WDFY4: variants seen among roughly 807,000 people sequenced by gnomAD.
The protein encoded by WDFY4 is WDFY family member 4.
In WDFY4, 169 loss-of-function variants were observed where a neutral mutation model predicts 351.9. That is an observed-to-expected ratio of 0.48 (90% CI 0.42 to 0.55). The LOEUF is 0.55. Ranked by LOEUF, WDFY4 falls within the 20% of genes least tolerant of loss-of-function variation. WDFY4 has a pLI of 0.00. For missense variants in WDFY4, 3,803 were observed against 3,935.6 expected (o/e 0.97, Z 0.90); for synonymous variants, 1,622 against 1,574.6 (o/e 1.03, Z -0.71).
chr10:48,929,203 G>A (rs953801663), intron 47 of WDFY4, among the ~76,000 whole-genome samples: 2 of 152,128 alleles, frequency 1.3e-5, no homozygotes, highest in African/African-American at 4.8e-5. Context: ...GCAGAGAGGA[G>A]GGGATGGACA....
intron 41 of WDFY4, among the ~76,000 whole-genome samples, chr10:48,874,199 C>T (rs74130678): frequency 7.3e-4 from 111 of 152,340 alleles, no homozygotes; most frequent in African/African-American, 2.6e-3. Flanking sequence ...TCCACTCATT[C>T]CAAACAACAT....
chr10:48,741,000 T>A (rs995511587), intron 11 of WDFY4, among the ~76,000 whole-genome samples: 1 of 152,254 alleles, frequency 6.6e-6, no homozygotes, highest in South Asian at 2.1e-4. Context: ...TTATGGACTT[T>A]GGTCTTTCAT....
intron 1 of WDFY4, among the ~76,000 whole-genome samples, chr10:48,702,465 C>G (rs1166608792): frequency 6.6e-6 from 1 of 152,172 alleles, no homozygotes; most frequent in Non-Finnish European, 1.5e-5. Flanking sequence ...AAAATGTCCT[C>G]TAAGTGGAAT....
chr10:48,892,273 T>C (rs1023619976), intron 44 of WDFY4, among the ~76,000 whole-genome samples: 5 of 152,250 alleles, frequency 3.3e-5, no homozygotes, highest in Non-Finnish European at 5.9e-5. Context: ...AAATTGTGTT[T>C]ATGAGGTGTA....
chr10:48,918,539 G>A (rs1225227434), intron 47 of WDFY4, among the ~76,000 whole-genome samples: 1 of 152,124 alleles, frequency 6.6e-6, no homozygotes, highest in African/African-American at 2.4e-5. Flanking sequence ...TCCTAAATGT[G>A]TATGTACCTA....
chr10:48,855,930 T>C (rs778155170), intron 39 of WDFY4, among the ~76,000 whole-genome samples: 3 of 152,166 alleles, frequency 2.0e-5, no homozygotes, highest in Non-Finnish European at 2.9e-5. Context: ...AACTTTATCA[T>C]AGGTATGTAT....
At chr10:48,914,226 TG>T in intron 47 of WDFY4, 1 of 1,490,648 alleles carries the variant, frequency 6.7e-7, no homozygotes. Context: ...GGAAAAATCA[TG>T]AAAAACTGCT....
intron 17 of WDFY4, 83 bp downstream of exon 17, chr10:48,777,578 T>C (rs2066075256): frequency 7.5e-7 from 1 of 1,336,574 alleles, no homozygotes; most frequent in African/African-American, 1.5e-5. Context: ...AGATTTTTAC[T>C]TGGTGTTTCA....
intron 2 of WDFY4, among the ~76,000 whole-genome samples, chr10:48,717,944 C>A (rs2132256363): frequency 6.6e-6 from 1 of 152,254 alleles, no homozygotes; most frequent in African/African-American, 2.4e-5. Flanking sequence ...AGAGTGTGTG[C>A]CCCTGTAACT....
At chr10:48,959,068 C>T (rs372344012) in intron 52 of WDFY4, among the ~76,000 whole-genome samples, 1 of 152,242 alleles carries the variant, frequency 6.6e-6, no homozygotes, top group East Asian at 1.9e-4. Flanking sequence ...TGAGATAATT[C>T]CTGTCATCAC....
At chr10:48,871,470 C>T (rs916731712) in intron 40 of WDFY4, among the ~76,000 whole-genome samples, 4 of 151,640 alleles carry the variant, frequency 2.6e-5, no homozygotes, top group African/African-American at 9.7e-5. Flanking sequence ...TGGTGGCCCC[C>T]CCCTTTTTTT....
chr10:48,936,863 A>T (rs1840404515), intron 47 of WDFY4, among the ~76,000 whole-genome samples: 1 of 151,688 alleles, frequency 6.6e-6, no homozygotes, highest in Admixed American at 6.6e-5. Flanking sequence ...AAAAAAAAAG[A>T]AAATTAAAAG....
At chr10:48,827,287 A>G (rs977699957) in intron 36 of WDFY4, among the ~76,000 whole-genome samples, 3 of 151,988 alleles carry the variant, frequency 2.0e-5, no homozygotes, top group African/African-American at 7.3e-5. Context: ...AATATAATAC[A>G]TTGTATTGTG....
In WDFY4 at chr10:48,877,129, A is replaced by G. The variant is rs370471979; in HGVS notation, c.7097A>G (p.His2366Arg). The G allele has an allele frequency of 2.8e-4, 435 of 1,551,034 alleles. 3 individuals are homozygous for G. The African/African-American group carries it at 5.0e-3, about 18-fold the overall frequency. Residue 2366 changes from histidine (H) to arginine (R), a missense_variant, in exon 43 of 62, where the codon CAC becomes CGC. Around this residue, in one of 3 missense-constraint regions of WDFY4, gnomAD observed 3,054 missense variants for 3,148.6 expected, o/e 0.97. Coordinates refer to ENST00000325239, the MANE Select transcript of WDFY4 (RefSeq NM_001394531.1). ...TTCCCAGCCTTACACGAAAGTCTGC[A>G]CTCAGAAGACTTCTTGGAACTGTGT... ...TFFPALHESL[H>R]SEDFLELCRE... is the part of the protein sequence containing the mutation.
intron 4 of WDFY4, among the ~76,000 whole-genome samples, chr10:48,722,020 C>T (rs984867356): frequency 1.2e-4 from 19 of 152,176 alleles, no homozygotes; most frequent in Non-Finnish European, 1.5e-5. Flanking sequence ...GTGGCTGCTG[C>T]CCTCAGTGTA....
At chr10:48,716,737 G>T (rs761122622) in intron 2 of WDFY4, among the ~76,000 whole-genome samples, 20 of 152,200 alleles carry the variant, frequency 1.3e-4, no homozygotes, top group Non-Finnish European at 2.6e-4. Flanking sequence ...GAGTCCCACT[G>T]CTCCAGAGAC....
intron 1 of WDFY4, among the ~76,000 whole-genome samples, chr10:48,706,860 T>G (rs2063645238): frequency 6.6e-6 from 1 of 152,196 alleles, no homozygotes; most frequent in African/African-American, 2.4e-5. Context: ...AAGGGCTTAT[T>G]AAATAAACAA....
chr10:48,830,734 CTGGCAGCAGCTGG>C lies in WDFY4; in HGVS notation c.6381_6393del (p.Gln2127HisfsTer17). On this transcript the variant is annotated frameshift_variant, in exon 38 of 62. Transcript: ENST00000325239. LOFTEE classifies it high-confidence loss of function. ...ACATCCAGAAGACAGTGCAGACTCT[CTGGCAGCAGCTGG>C]TGGCACAAAGGCAGCAGACCCTGGA... 6.4e-7 allele frequency: 1 copy of C among 1,551,696 alleles called. No homozygotes were observed. Among genetic ancestry groups the C allele is most frequent in the Non-Finnish European group, 8.7e-7 (1 of 1,146,974 alleles).
At chr10:48,846,902 A>G (rs2068795365) in intron 39 of WDFY4, among the ~76,000 whole-genome samples, 1 of 152,208 alleles carries the variant, frequency 6.6e-6, no homozygotes, top group Non-Finnish European at 1.5e-5. Flanking sequence ...TTTGCTCTTC[A>G]TAAAGCCCGA....
Sources: allele counts gnomAD v4.1 joint callset (sites outside exome capture counted in the v4.1 genomes callset), GRCh38; gene constraint gnomAD v4.1.1; regional missense constraint gnomAD v4.1.1; transcripts MANE v1.5; gene names NCBI Gene and HGNC (gene_info 2026-07-23, HGNC 2026-07-21).